LSAMP: variants seen among roughly 807,000 people sequenced by gnomAD.
LSAMP encodes limbic system associated membrane protein, also known as limbic system-associated membrane protein.
Under a neutral mutation model 38.6 loss-of-function variants are expected in LSAMP, and 7 were observed. That is an observed-to-expected ratio of 0.18 (90% CI 0.10 to 0.34). LSAMP has a LOEUF of 0.34. LSAMP is among the 10% of genes least tolerant of loss of function. The probability of loss-of-function intolerance (pLI) is 1.00; values close to 1 mark genes in which losing one functional copy is unlikely to be tolerated. For synonymous variants in LSAMP, 154 were observed against 166.8 expected, an observed-to-expected ratio of 0.92 and a Z score of 0.59; for missense variants, 313 against 420.0, an observed-to-expected ratio of 0.75 and a Z score of 2.23.
chr3:116,410,502 T>TTTTA (rs1553732778), intron 1 of LSAMP, among the ~76,000 whole-genome samples: 142 of 151,946 alleles, frequency 9.3e-4, no homozygotes, highest in African/African-American at 2.6e-3. Flanking sequence ...ATTTTTTTTT[T>TTTTA]AAACTGGGAA....
chr3:116,302,437 A>G (rs925033723), intron 1 of LSAMP, among the ~76,000 whole-genome samples: 6 of 152,198 alleles, frequency 3.9e-5, no homozygotes, highest in Non-Finnish European at 7.3e-5. Context: ...TCACCTCTAA[A>G]AACTCCACCC....
At chr3:115,842,019 G>T in intron 5 of LSAMP, 26 bp from the exon 6 acceptor site, 3 of 1,595,474 alleles carry the variant, frequency 1.9e-6, no homozygotes, top group Non-Finnish European at 2.6e-6. Context: ...CAGAAGAATA[G>T]AAAGGATCAC....
chr3:116,346,771 CAACA>C (rs1318729777), intron 1 of LSAMP, among the ~76,000 whole-genome samples: 2 of 152,166 alleles, frequency 1.3e-5, no homozygotes, highest in Non-Finnish European at 2.9e-5. Context: ...TTTATTCATT[CAACA>C]AACATTCATT....
intron 1 of LSAMP, among the ~76,000 whole-genome samples, chr3:116,375,173 T>C (rs1324927552): frequency 3.3e-5 from 5 of 152,094 alleles, no homozygotes; most frequent in Admixed American, 6.6e-5. Flanking sequence ...ATAATCATTA[T>C]TATATGCTGA....
intron 6 of LSAMP, among the ~76,000 whole-genome samples, chr3:115,811,238 T>G (rs578192115): frequency 9.2e-5 from 14 of 151,940 alleles, no homozygotes; most frequent in Non-Finnish European, 1.5e-4. Flanking sequence ...ATTTGGGGGA[T>G]GTGGGTGTGG....
rs373127296 is a variant in LSAMP, at chr3:116,203,826, C to G, written c.156-117270G>C. On this transcript the variant is annotated intron_variant, in intron 1 of 6. Coordinates refer to ENST00000490035, the MANE Select transcript of LSAMP (RefSeq NM_002338.5). ...TGTTGGACATTTGCGTTGGTTCCAA[C>G]TCTTTGCTATTGTGAATAATGCCGC... 6.2e-4 allele frequency among the ~76,000 whole-genome samples: 94 copies of G among 152,104 alleles called. No homozygotes were observed. In the East Asian group the frequency reaches 7.9e-3, roughly 13 times the overall value.
At chr3:116,054,814 G>A (rs747576045) in intron 2 of LSAMP, among the ~76,000 whole-genome samples, 37 of 152,156 alleles carry the variant, frequency 2.4e-4, no homozygotes, top group African/African-American at 7.5e-4. Context: ...TTATCACCAC[G>A]TGGTTATGTT....
In LSAMP at chr3:116,348,021, T is replaced by C. The variant is rs138465255; in HGVS notation, c.155+96856A>G. On this transcript the variant is annotated intron_variant, in intron 1 of 6. Coordinates refer to ENST00000490035, the MANE Select transcript of LSAMP (RefSeq NM_002338.5). ...GGTATGTAGAGTGACTATACATCTC[T>C]GCTTTCCAGGAAAGGTCTCGGTGTA... is the stretch of plus-strand genomic sequence containing the variant. 2.1e-3 allele frequency among the ~76,000 whole-genome samples: 317 copies of C among 151,910 alleles called. 1 individual carries two copies. Among genetic ancestry groups the C allele is most frequent in the African/African-American group, 6.6e-3 (273 of 41,420 alleles).
intron 1 of LSAMP, among the ~76,000 whole-genome samples, chr3:116,106,763 G>GA (rs1454333019): frequency 1.3e-5 from 2 of 152,140 alleles, no homozygotes; most frequent in African/African-American, 4.8e-5. Flanking sequence ...CCTATCTAGT[G>GA]AAAGTGTCTA....
chr3:115,920,714 C>A (rs1008378421), intron 3 of LSAMP, among the ~76,000 whole-genome samples: 11 of 152,056 alleles, frequency 7.2e-5, no homozygotes, highest in Non-Finnish European at 1.6e-4. Context: ...TCCATTTGGG[C>A]AATAGTGTCT....
At chr3:116,390,745 A>C (rs1304771232) in intron 1 of LSAMP, among the ~76,000 whole-genome samples, 1 of 141,388 alleles carries the variant, frequency 7.1e-6, no homozygotes, top group East Asian at 1.9e-4. Flanking sequence ...GCCTCAAAAA[A>C]AAAAAAAAAA....
At chr3:116,180,839 G>A (rs910975797) in intron 1 of LSAMP, among the ~76,000 whole-genome samples, 6 of 151,978 alleles carry the variant, frequency 3.9e-5, no homozygotes, top group East Asian at 1.9e-4. Flanking sequence ...TTTGCAGGCC[G>A]GTGCTGTGTT....
chr3:116,322,774 C>T (rs2047722623), intron 1 of LSAMP, among the ~76,000 whole-genome samples: 1 of 151,924 alleles, frequency 6.6e-6, no homozygotes, highest in African/African-American at 2.4e-5. Flanking sequence ...ATCTTTATTT[C>T]TTTGTCTTCT....
intron 6 of LSAMP, among the ~76,000 whole-genome samples, chr3:115,813,675 G>T (rs1476464453): frequency 6.6e-6 from 1 of 152,144 alleles, no homozygotes; most frequent in African/African-American, 2.4e-5. Context: ...GTAAATGGGT[G>T]GTAGTTGGGA....
At chr3:116,084,012 T>C (rs1384886028) in intron 2 of LSAMP, among the ~76,000 whole-genome samples, 3 of 152,174 alleles carry the variant, frequency 2.0e-5, no homozygotes, top group African/African-American at 7.2e-5. Flanking sequence ...TTGTTGATTT[T>C]TTTCTGTCAA....
intron 1 of LSAMP, among the ~76,000 whole-genome samples, chr3:116,102,797 G>C (rs1378333827): frequency 2.9e-4 from 38 of 133,266 alleles, no homozygotes; most frequent in Admixed American, 2.7e-3. Context: ...CTGTCTGTCT[G>C]TCTGTCTATC....
At chr3:115,829,666 T>C (rs1934545733) in intron 6 of LSAMP, among the ~76,000 whole-genome samples, 1 of 152,222 alleles carries the variant, frequency 6.6e-6, no homozygotes, top group Non-Finnish European at 1.5e-5. Context: ...TGTGTGAGTG[T>C]ATATGTGTGT....
chr3:116,387,370 T>A (rs2048638941), intron 1 of LSAMP, among the ~76,000 whole-genome samples: 2 of 152,186 alleles, frequency 1.3e-5, no homozygotes, highest in African/African-American at 4.8e-5. Flanking sequence ...AGATATTCAA[T>A]GTCAGATACA....
At chr3:116,411,945 G>T (rs1378102755) in intron 1 of LSAMP, among the ~76,000 whole-genome samples, 2 of 151,928 alleles carry the variant, frequency 1.3e-5, no homozygotes, top group Non-Finnish European at 2.9e-5. Flanking sequence ...TCTCTGTCTT[G>T]TATGCTTACT....
Sources: allele counts gnomAD v4.1 joint callset (sites outside exome capture counted in the v4.1 genomes callset), GRCh38; gene constraint gnomAD v4.1.1; transcripts MANE v1.5; gene names NCBI Gene and HGNC (gene_info 2026-07-23, HGNC 2026-07-21).